RGS7: variants seen among roughly 807,000 people sequenced by gnomAD.
The protein encoded by RGS7 is regulator of G protein signaling 7, also known as regulator of G-protein signaling 7.
A neutral mutation model predicts 81.1 loss-of-function variants in RGS7; 27 were observed. That is an observed-to-expected ratio of 0.33 (90% CI 0.25 to 0.46). The LOEUF (loss-of-function observed/expected upper bound fraction) is 0.46, where lower values mean the gene tolerates loss of function less well. RGS7 is among the 20% of genes least tolerant of loss of function. RGS7 has a pLI of 1.00. For missense variants in RGS7, 396 were observed against 607.4 expected (o/e 0.65, Z 3.66); for synonymous variants, 208 against 207.7 (o/e 1.00, Z -0.01).
At chr1:241,335,661 G>C (rs576898941) in intron 2 of RGS7, among the ~76,000 whole-genome samples, 52 of 151,886 alleles carry the variant, frequency 3.4e-4, no homozygotes, top group East Asian at 1.9e-3. Context: ...AAAAGATCCT[G>C]TTCTTAAAGA....
chr1:241,093,079 A>G (rs1474744166), intron 3 of RGS7, among the ~76,000 whole-genome samples: 1 of 152,196 alleles, frequency 6.6e-6, no homozygotes. Flanking sequence ...TATAAAATAC[A>G]TTTATTTTAT....
intron 2 of RGS7, among the ~76,000 whole-genome samples, chr1:241,154,819 A>C (rs2068997476): frequency 6.6e-6 from 1 of 152,206 alleles, no homozygotes; most frequent in Non-Finnish European, 1.5e-5. Flanking sequence ...GTGATGGCAG[A>C]CGTGGGAGGG....
chr1:241,008,505 C>T (rs181595534), intron 3 of RGS7, among the ~76,000 whole-genome samples: 109 of 152,236 alleles, frequency 7.2e-4, no homozygotes, highest in African/African-American at 2.6e-3. Flanking sequence ...GGATTTAGAT[C>T]ACCTGAGGAG....
chr1:241,152,347 G>A (rs982339291), intron 2 of RGS7, among the ~76,000 whole-genome samples: 8 of 152,168 alleles, frequency 5.3e-5, no homozygotes, highest in African/African-American at 1.7e-4. Flanking sequence ...GTAGGAAAAT[G>A]CAGATAGTGT....
At chr1:240,823,139 TG>T in intron 10 of RGS7, 1 of 1,162,258 alleles carries the variant, frequency 8.6e-7, no homozygotes, top group Non-Finnish European at 1.3e-6. Context: ...TAGCCAACAA[TG>T]GCCACATTGG....
At chr1:240,918,590 G>C (rs560168922) in intron 6 of RGS7, among the ~76,000 whole-genome samples, 1 of 152,220 alleles carries the variant, frequency 6.6e-6, no homozygotes, top group South Asian at 2.1e-4. Flanking sequence ...ACAGGATGTA[G>C]TGAAAGCAGT....
chr1:241,262,612 G>C (rs2077393565), intron 2 of RGS7, among the ~76,000 whole-genome samples: 1 of 152,142 alleles, frequency 6.6e-6, no homozygotes, highest in Non-Finnish European at 1.5e-5. Context: ...ATCTCACATT[G>C]TTACTATTGT....
intron 3 of RGS7, among the ~76,000 whole-genome samples, chr1:241,065,866 T>C (rs2062030886): frequency 6.6e-6 from 1 of 152,190 alleles, no homozygotes. Flanking sequence ...ATTAGGCTAA[T>C]AATAGTATCT....
chr1:241,235,581 TTC>T (rs376901857), intron 2 of RGS7, among the ~76,000 whole-genome samples: 7 of 152,074 alleles, frequency 4.6e-5, no homozygotes, highest in African/African-American at 1.7e-4. Context: ...TTTCTTTTCT[TTC>T]TCTTTCTTTC....
At chr1:240,974,435 G>A (rs529727972) in intron 4 of RGS7, among the ~76,000 whole-genome samples, 1 of 152,064 alleles carries the variant, frequency 6.6e-6, no homozygotes, top group Admixed American at 6.5e-5. Context: ...CCATAAATCC[G>A]ATGCCACTTC....
intron 4 of RGS7, among the ~76,000 whole-genome samples, chr1:240,957,458 G>C (rs947118640): frequency 3.3e-5 from 5 of 152,228 alleles, no homozygotes; most frequent in African/African-American, 1.2e-4. Context: ...CCTTGTGACC[G>C]TGTGAGTCAA....
rs752824548 is a variant in RGS7, at chr1:241,344,224, G to A, written c.78+11475C>T. On this transcript the variant is annotated intron_variant, in intron 2 of 18. Coordinates refer to ENST00000440928, the MANE Select transcript of RGS7 (RefSeq NM_001364886.1). ...TATTATTTCCTCCACTCTTGTATTC[G>A]TTTGAACTATGCCACAATGAAAAAT... is the stretch of plus-strand genomic sequence containing the variant. 2.2e-4 allele frequency among the ~76,000 whole-genome samples: 33 copies of A among 152,192 alleles called. 1 individual carries two copies. The highest frequency in any genetic ancestry group is 3.7e-4 in the Non-Finnish European group (25 of 68,018).
chr1:240,973,560 TA>T (rs1683593107), intron 4 of RGS7, among the ~76,000 whole-genome samples: 1 of 152,122 alleles, frequency 6.6e-6, no homozygotes, highest in Admixed American at 6.5e-5. Context: ...TAAAACACTT[TA>T]TAAGTCCAAA....
At chr1:240,872,551 C>T (rs576331759) in intron 6 of RGS7, among the ~76,000 whole-genome samples, 2 of 152,360 alleles carry the variant, frequency 1.3e-5, no homozygotes, top group Non-Finnish European at 1.5e-5. Flanking sequence ...GTTGAAGATA[C>T]AGCAAATATG....
intron 3 of RGS7, among the ~76,000 whole-genome samples, chr1:241,027,029 C>T (rs1186869766): frequency 1.5e-5 from 2 of 135,248 alleles, no homozygotes; most frequent in Non-Finnish European, 3.2e-5. Context: ...CCATCTCTAC[C>T]AGAAATTAAA....
intron 2 of RGS7, among the ~76,000 whole-genome samples, chr1:241,277,358 G>A (rs193056907): frequency 1.3e-5 from 2 of 152,256 alleles, no homozygotes; most frequent in South Asian, 2.1e-4. Context: ...GGTGGCTCAC[G>A]CCTGTAATCC....
intron 4 of RGS7, among the ~76,000 whole-genome samples, chr1:240,940,166 T>C (rs538766840): frequency 6.6e-6 from 1 of 152,314 alleles, no homozygotes; most frequent in Non-Finnish European, 1.5e-5. Context: ...ATATATTCCC[T>C]AGTGATTCTG....
At chr1:240,980,034 T>C (rs1486252797) in intron 4 of RGS7, among the ~76,000 whole-genome samples, 1 of 152,212 alleles carries the variant, frequency 6.6e-6, no homozygotes. Flanking sequence ...TAATTCCATA[T>C]ATGTGTATTA....
At chr1:241,099,094 C>T (rs577681874) in intron 2 of RGS7, among the ~76,000 whole-genome samples, 1 of 152,294 alleles carries the variant, frequency 6.6e-6, no homozygotes, top group Non-Finnish European at 1.5e-5. Context: ...ATTGTCATAG[C>T]ACATTCATGC....
Sources: allele counts gnomAD v4.1 joint callset (sites outside exome capture counted in the v4.1 genomes callset), GRCh38; gene constraint gnomAD v4.1.1; transcripts MANE v1.5; gene names NCBI Gene and HGNC (gene_info 2026-07-23, HGNC 2026-07-21).